INTS3: variants seen among roughly 807,000 people sequenced by gnomAD.
INTS3 encodes the protein integrator complex subunit 3.
A neutral mutation model predicts 146.3 loss-of-function variants in INTS3; 34 were observed. The ratio of observed to expected loss-of-function variants is 0.23; its 90% CI spans 0.18 to 0.31. The LOEUF (loss-of-function observed/expected upper bound fraction) is 0.31. INTS3 is among the 10% of genes least tolerant of loss of function. The pLI is 1.00. For synonymous variants in INTS3, 475 were observed against 494.9 expected, an observed-to-expected ratio of 0.96 and a Z score of 0.53; for missense variants, 757 against 1,304.2, an observed-to-expected ratio of 0.58 and a Z score of 6.46.
chr1:153,750,633 A>G (rs1671923934), intron 6 of INTS3, among the ~76,000 whole-genome samples: 1 of 152,160 alleles, frequency 6.6e-6, no homozygotes, highest in African/African-American at 2.4e-5. Context: ...CAGTCCCCAC[A>G]TGTTCTTGCA....
Position 153,763,250 on chromosome 1 carries a change from C to T in INTS3, c.1654C>T (p.Arg552Cys), listed in dbSNP as rs1432776930. 3.1e-6 allele frequency: 5 copies of T among 1,614,222 alleles called. No homozygotes were observed. Among genetic ancestry groups the T allele is most frequent in the African/African-American group, 1.3e-5 (1 of 75,048 alleles). The change falls in exon 16 of 30, where the codon CGC (arginine) becomes TGC (cysteine). Residue 552 changes from arginine (R) to cysteine (C), a missense_variant. Physicochemically the swap from Arg to Cys is radical, Grantham distance 180 (BLOSUM62 -3). Around this residue, in one of 8 missense-constraint regions of INTS3, gnomAD observed 89 missense variants for 210.9 expected, o/e 0.42. Transcript: ENST00000318967. ...CCCTTTAGGAAAGAAGAGGGAGTTT[C>T]GCTTCCACCCTATCAAGGAGACAGT... ...LNSKGKKREF[R>C]FHPIKETVVE...
intron 1 of INTS3, among the ~76,000 whole-genome samples, chr1:153,733,500 C>T (rs556458457): frequency 3.3e-5 from 5 of 151,936 alleles, no homozygotes; most frequent in Admixed American, 1.3e-4. Context: ...CGTGAGCCAC[C>T]GCACCCAGCT....
rs575426784 is a variant in INTS3, at chr1:153,774,436, C to T, written c.*1166C>T. Reference sequence around the variant, plus strand: ...CTCGCTGCTTGACGGGAGGGATGCTCCAGCTTGGTCTCCAGGGACAACTGT... The same window carrying T: ...CTCGCTGCTTGACGGGAGGGATGCTTCAGCTTGGTCTCCAGGGACAACTGT... On this transcript the variant is annotated 3_prime_UTR_variant, in exon 30 of 30. Coordinates refer to ENST00000318967, the MANE Select transcript of INTS3 (RefSeq NM_023015.5). The T allele has an allele frequency of 1.3e-5, 2 of 152,304 alleles. No homozygotes were observed. Among genetic ancestry groups the T allele is most frequent in the South Asian group, 2.1e-4 (1 of 4,826 alleles). The allele number at this position is 152,304 out of a possible 1,614,324, so 9.4% of individuals were successfully genotyped here.
intron 1 of INTS3, among the ~76,000 whole-genome samples, chr1:153,736,451 C>CT (rs34888528): frequency 0.41 from 60,279 of 145,320 alleles, 12,985 homozygotes; most frequent in East Asian, 0.67. Context: ...GTCTTTTATC[C>CT]TTTTTTTTTT....
At position 153,769,597 on chromosome 1, in the gene INTS3, C is replaced by A. The variant is rs185862041; in HGVS notation, c.2314-172C>A. ...TTACTTTATCAGCCCCTTCATCCTTCAGAGATGGCAGCATTCGTTGTGTGC... is the reference window on the plus strand; with the variant it reads ...TTACTTTATCAGCCCCTTCATCCTTAAGAGATGGCAGCATTCGTTGTGTGC... On this transcript the variant is annotated intron_variant, in intron 22 of 29. Coordinates refer to ENST00000318967, the MANE Select transcript of INTS3 (RefSeq NM_023015.5). Among the ~76,000 whole-genome samples, 23 of 152,244 alleles carry A rather than the reference C, an allele frequency of 1.5e-4. 1 individual carries two copies. The highest frequency in any genetic ancestry group is 1.3e-3 in the Admixed American group (20 of 15,290).
intron 1 of INTS3, among the ~76,000 whole-genome samples, chr1:153,729,973 C>G (rs773466599): frequency 6.6e-6 from 1 of 151,926 alleles, no homozygotes; most frequent in Non-Finnish European, 1.5e-5. Context: ...AGGATGAGTA[C>G]ATTAACAGGC....
In INTS3 at chr1:153,752,317, A is replaced by G; in HGVS notation, c.768A>G (p.Arg256=). The G allele has an allele frequency of 1.2e-6, 2 of 1,613,424 alleles. No individual in the cohort carries two copies. Among genetic ancestry groups the G allele is most frequent in the African/African-American group, 1.3e-5 (1 of 74,984 alleles). ...TGATGATTGGTCGGGATCTCGTAAG[A>G]CTACTTCAGAATGTTGCTAGGATAC... is the stretch of plus-strand genomic sequence containing the variant. ...ECLMIGRDLV[R]LLQNVARIPE... Residue 256 remains arginine (R), a synonymous_variant, in exon 8 of 30, where the codon AGA becomes AGG. Coordinates refer to ENST00000318967, the MANE Select transcript of INTS3 (RefSeq NM_023015.5).
chr1:153,765,157 C>T, intron 20 of INTS3, 94 bp downstream of exon 20: 1 of 1,357,246 alleles, frequency 7.4e-7, no homozygotes, highest in Non-Finnish European at 1.0e-6. Context: ...ACTGTCATCA[C>T]CAGGGCCTTC....
Position 153,762,816 on chromosome 1 carries a change from C to T in INTS3, c.1605C>T (p.Phe535=), listed in dbSNP as rs1424942483. The T allele has an allele frequency of 7.4e-6, 12 of 1,614,024 alleles. No individual in the cohort carries two copies. The highest frequency in any genetic ancestry group is 1.0e-5 in the Non-Finnish European group (12 of 1,180,046). The change falls in exon 15 of 30, where the codon TTC becomes TTT. Residue 535 remains phenylalanine, a synonymous_variant. Coordinates refer to ENST00000318967, the MANE Select transcript of INTS3 (RefSeq NM_023015.5). ...ESCYDNAEAA[F]SDDEEDLNSK... ...GCTATGACAATGCAGAGGCAGCCTT[C>T]AGTGACGATGAAGAGGATCTCAACA...
intron 9 of INTS3, among the ~76,000 whole-genome samples, chr1:153,756,537 C>T (rs1672168555): frequency 1.3e-5 from 2 of 151,768 alleles, no homozygotes; most frequent in Non-Finnish European, 2.9e-5. Flanking sequence ...TAATTGGGGC[C>T]AAGTGCGGTG....
At chr1:153,748,848 A>G in intron 6 of INTS3, 93 bp downstream of exon 6, 1 of 1,009,292 alleles carries the variant, frequency 9.9e-7, no homozygotes, top group East Asian at 2.4e-5. Context: ...TGTGTGGCCC[A>G]AGAACACCTT....
intron 7 of INTS3, 29 bp from the exon 8 acceptor site, chr1:153,752,250 C>T: frequency 1.2e-6 from 2 of 1,609,594 alleles, no homozygotes; most frequent in Non-Finnish European, 1.7e-6. Flanking sequence ...ATTCTCTTTC[C>T]TGTCCCCCAC....
At chr1:153,740,918 C>T (rs1326433241) in intron 2 of INTS3, among the ~76,000 whole-genome samples, 184 bp downstream of exon 2, 1 of 152,122 alleles carries the variant, frequency 6.6e-6, no homozygotes, top group African/African-American at 2.4e-5. Flanking sequence ...GAGCCTTGGG[C>T]ATCTTTCAGT....
At chr1:153,742,400 A>G (rs765143300) in intron 3 of INTS3, among the ~76,000 whole-genome samples, 1 of 152,110 alleles carries the variant, frequency 6.6e-6, no homozygotes, top group Non-Finnish European at 1.5e-5. Flanking sequence ...CATCCATTTT[A>G]AAGAAATTGT....
chr1:153,746,837 A>G, intron 3 of INTS3, 120 bp from the exon 4 acceptor site: 1 of 642,188 alleles, frequency 1.6e-6, no homozygotes, highest in East Asian at 2.5e-5. Context: ...TTTCATTGCT[A>G]CTCGGTGTCT....
intron 9 of INTS3, among the ~76,000 whole-genome samples, chr1:153,755,763 A>G (rs9427216): frequency 0.56 from 84,673 of 151,944 alleles, 23,927 homozygotes; most frequent in East Asian, 0.69. Flanking sequence ...TCTTGGCCGG[A>G]CGCAGTGGCT....
intron 23 of INTS3, 53 bp downstream of exon 23, chr1:153,769,897 A>T: frequency 7.9e-7 from 1 of 1,263,770 alleles, no homozygotes; most frequent in East Asian, 2.3e-5. Context: ...GCAGGGTGTC[A>T]GTCCTGTGTA....
At position 153,773,761 on chromosome 1, in the gene INTS3, A is replaced by AGT. The variant is rs1673010794; in HGVS notation, c.*495_*496dup. On this transcript the variant is annotated 3_prime_UTR_variant, in exon 30 of 30. Transcript: ENST00000318967. ...GTTTTATAGTCACTATCCACATGCC[A>AGT]GTGTGAAATGGGCATCTATGACGTG... is the stretch of plus-strand genomic sequence containing the variant. 5.5e-6 allele frequency: 1 copy of AGT among 181,034 alleles called. No homozygotes were observed. Among genetic ancestry groups the AGT allele is most frequent in the African/African-American group, 2.4e-5 (1 of 41,886 alleles). 11.2% of individuals were successfully genotyped at this position (181,034 alleles called of 1,614,324 possible). A position where few individuals can be genotyped will look rare whatever the true frequency, so the allele number is the denominator to read the frequency against.
rs571340269 is a variant in INTS3 at position 153,770,366 on chromosome 1, A to G, written c.2503+55A>G. On this transcript the variant is annotated intron_variant, in intron 24 of 29. Coordinates refer to ENST00000318967, the MANE Select transcript of INTS3 (RefSeq NM_023015.5). Reference sequence around the variant, plus strand: ...CAGATATGACACTTCCTATACAGTTAGGGCAAGGCTGAGGCCTCTAGGCTT... The same window carrying G: ...CAGATATGACACTTCCTATACAGTTGGGGCAAGGCTGAGGCCTCTAGGCTT... The G allele has an allele frequency of 1.2e-5, 13 of 1,126,906 alleles. No homozygotes were observed. The East Asian group carries it at 1.4e-4, about 12-fold the overall frequency. The allele number at this position is 1,126,906 out of a possible 1,614,324, so 69.8% of individuals were successfully genotyped here. A position where few individuals can be genotyped will look rare whatever the true frequency, so the allele number is the denominator to read the frequency against.
Sources: gnomAD v4.1 joint callset for allele counts (sites outside exome capture counted in the v4.1 genomes callset) on GRCh38, gnomAD v4.1.1 for gene constraint, gnomAD v4.1.1 regional missense constraint, MANE v1.5 for transcripts, NCBI Gene and HGNC (gene_info 2026-07-23, HGNC 2026-07-21) for gene names.